The following BMAL1 variants were observed in gnomAD, a reference collection of about 807,000 sequenced individuals.
BMAL1 encodes basic helix-loop-helix ARNT like 1, also known as basic helix-loop-helix ARNT-like protein 1.
the BMAL1 span, among the ~76,000 whole-genome samples, chr11:13,373,377 A>G: frequency 2.2e-3 from 331 of 152,340 alleles, 1 homozygote; most frequent in African/African-American, 7.6e-3. Flanking sequence ...AAAAAGAGAC[A>G]GCCTCAGCTG....
At chr11:13,358,314 A>C in the BMAL1 span, 1 of 1,190,986 alleles carries the variant, frequency 8.4e-7, no homozygotes, top group South Asian at 2.2e-5. Flanking sequence ...ACATTCTGCA[A>C]ATTCTAAATT....
the BMAL1 span, among the ~76,000 whole-genome samples, chr11:13,294,027 C>A: frequency 6.6e-6 from 1 of 152,192 alleles, no homozygotes; most frequent in East Asian, 1.9e-4. Flanking sequence ...CAAAAAAGAG[C>A]TTAATGTTTC....
At chr11:13,385,245 C>T in the BMAL1 span, among the ~76,000 whole-genome samples, 15 of 152,344 alleles carry the variant, frequency 9.8e-5, no homozygotes, top group South Asian at 1.9e-3. Flanking sequence ...AAGAGATTTA[C>T]TTCTGTTTTC....
chr11:13,338,094 C>CTG, the BMAL1 span, among the ~76,000 whole-genome samples: 1 of 152,108 alleles, frequency 6.6e-6, no homozygotes, highest in African/African-American at 2.4e-5. Context: ...TGACCTTGAG[C>CTG]TGTACGACTC....
the BMAL1 span, among the ~76,000 whole-genome samples, chr11:13,359,669 G>A: frequency 6.6e-6 from 1 of 151,912 alleles, no homozygotes; most frequent in African/African-American, 2.4e-5. Context: ...TATTCTACTC[G>A]CTATTCTACA....
the BMAL1 span, among the ~76,000 whole-genome samples, chr11:13,278,762 G>T: frequency 1.3e-5 from 2 of 152,384 alleles, no homozygotes; most frequent in African/African-American, 4.8e-5. Flanking sequence ...AGAGCTCCGC[G>T]GAGGGCGCAG....
chr11:13,371,053 T>C, the BMAL1 span, among the ~76,000 whole-genome samples: 2 of 152,230 alleles, frequency 1.3e-5, no homozygotes, highest in African/African-American at 2.4e-5. Context: ...CTTGCTGTTA[T>C]ATAGTTATTT....
At chr11:13,284,252 A>ATGTG in the BMAL1 span, among the ~76,000 whole-genome samples, 6 of 30,516 alleles carry the variant, frequency 2.0e-4, no homozygotes, top group African/African-American at 4.9e-4. Context: ...ATATATATAT[A>ATGTG]TATATATATA....
chr11:13,343,145 G>A, the BMAL1 span, among the ~76,000 whole-genome samples: 1 of 152,152 alleles, frequency 6.6e-6, no homozygotes, highest in Non-Finnish European at 1.5e-5. Context: ...AACATCACAC[G>A]GCTGGTAAAT....
chr11:13,383,728 G>T, the BMAL1 span, among the ~76,000 whole-genome samples: 1 of 152,098 alleles, frequency 6.6e-6, no homozygotes, highest in Non-Finnish European at 1.5e-5. Flanking sequence ...TGGTGTACCT[G>T]TAATCCCAGC....
the BMAL1 span, among the ~76,000 whole-genome samples, chr11:13,306,173 G>C: frequency 1.3e-4 from 20 of 152,104 alleles, no homozygotes; most frequent in Non-Finnish European, 2.4e-4. Flanking sequence ...CGTATAGGTC[G>C]GGGCTAGTTT....
the BMAL1 span, among the ~76,000 whole-genome samples, chr11:13,317,441 T>G: frequency 6.6e-6 from 1 of 152,210 alleles, no homozygotes; most frequent in Non-Finnish European, 1.5e-5. Flanking sequence ...TGACCCACAT[T>G]GGTGACCCTG....
At chr11:13,324,375 G>A in the BMAL1 span, among the ~76,000 whole-genome samples, 1 of 107,548 alleles carries the variant, frequency 9.3e-6, no homozygotes, top group East Asian at 2.3e-4. Context: ...TTCAGCTGCC[G>A]CATCTTTTCT....
the BMAL1 span, among the ~76,000 whole-genome samples, chr11:13,286,260 C>T: frequency 6.6e-6 from 1 of 152,202 alleles, no homozygotes; most frequent in African/African-American, 2.4e-5. Flanking sequence ...TTACCTCAGT[C>T]ACTTCTCCTA....
At chr11:13,328,013 A>G in the BMAL1 span, among the ~76,000 whole-genome samples, 6,633 of 152,204 alleles carry the variant, frequency 0.044, 264 homozygotes, top group East Asian at 0.17. Context: ...TGGCAACACT[A>G]TACCTGTTTC....
the BMAL1 span, among the ~76,000 whole-genome samples, chr11:13,320,527 C>A: frequency 6.6e-6 from 1 of 152,222 alleles, no homozygotes; most frequent in East Asian, 1.9e-4. Context: ...CTTTGAGCAT[C>A]AGTGTCTCCT....
At chr11:13,302,069 G>T in the BMAL1 span, among the ~76,000 whole-genome samples, 8 of 152,180 alleles carry the variant, frequency 5.3e-5, no homozygotes, top group African/African-American at 1.7e-4. Flanking sequence ...ATGCAGAGGT[G>T]GAAAAGAGAC....
At chr11:13,303,701 G>A in the BMAL1 span, among the ~76,000 whole-genome samples, 8 of 152,280 alleles carry the variant, frequency 5.3e-5, no homozygotes, top group Non-Finnish European at 8.8e-5. Context: ...ATGCTGGAGC[G>A]TGAGGAAGAA....
At chr11:13,378,491 C>T in the BMAL1 span, 6 of 1,572,882 alleles carry the variant, frequency 3.8e-6, no homozygotes, top group Non-Finnish European at 5.2e-6. Flanking sequence ...TGGTTCTCAA[C>T]CCAGGGAAAT....
Sources: gnomAD v4.1 joint callset for allele counts (sites outside exome capture counted in the v4.1 genomes callset) on GRCh38, gnomAD v4.1.1 for gene constraint, MANE v1.5 for transcripts, NCBI Gene and HGNC (gene_info 2026-07-23, HGNC 2026-07-21) for gene names.